SESN1: variants seen among roughly 807,000 people sequenced by gnomAD.
SESN1 encodes the protein sestrin 1.
SESN1 carries 30 observed loss-of-function variants against 59.3 expected under a neutral mutation model. The observed-to-expected ratio is 0.51, with a 90% CI of 0.38 to 0.69. SESN1 has a LOEUF of 0.69. Among genes scored for constraint, SESN1 ranks in the 30% least tolerant of loss-of-function variants. The pLI is 0.00. For missense variants in SESN1, 566 were observed against 673.0 expected, an observed-to-expected ratio of 0.84 and a Z score of 1.76; for synonymous variants, 197 against 219.9, an observed-to-expected ratio of 0.90 and a Z score of 0.92.
chr6:109,069,168 C>G (rs959866119), intron 1 of SESN1, among the ~76,000 whole-genome samples: 6 of 151,830 alleles, frequency 4.0e-5, no homozygotes, highest in African/African-American at 1.5e-4. Context: ...ACAGAGAAGG[C>G]CATCGTGGCA....
rs935344528 is a variant in SESN1, at chr6:108,990,932, T to G, written c.1234-97A>C. The G allele has an allele frequency of 1.7e-5, 19 of 1,087,880 alleles. No homozygotes were observed. The African/African-American group carries it at 3.0e-4, about 17-fold the overall frequency. The allele number at this position is 1,087,880 out of a possible 1,614,324, so 67.4% of individuals were successfully genotyped here. A position where few individuals can be genotyped will look rare whatever the true frequency, so the allele number is the denominator to read the frequency against. On this transcript the variant is annotated intron_variant, in intron 7 of 9. Transcript: ENST00000436639. ...ATGGTAAAAATCATTGTCATTTGGC[T>G]GACAATCCAACTGGCTTTTATCCCT...
At chr6:109,087,087 T>C (rs1781225245) in intron 1 of SESN1, among the ~76,000 whole-genome samples, 1 of 152,154 alleles carries the variant, frequency 6.6e-6, no homozygotes, top group Non-Finnish European at 1.5e-5. Flanking sequence ...GCCAAGATCG[T>C]GCCACTGCAC....
chr6:108,987,739 T>A, intron 9 of SESN1, 109 bp from the exon 10 acceptor site: 1 of 590,144 alleles, frequency 1.7e-6, no homozygotes, highest in Non-Finnish European at 3.0e-6. Flanking sequence ...ACACTTCCTA[T>A]GTAGTACAGC....
intron 1 of SESN1, among the ~76,000 whole-genome samples, chr6:109,053,981 C>T (rs1163068097): frequency 6.6e-6 from 1 of 151,812 alleles, no homozygotes; most frequent in African/African-American, 2.4e-5. Context: ...TAGTTTTCAT[C>T]TTTATTTTGG....
At position 108,988,699 on chromosome 6, in the gene SESN1, CATA is replaced by C. The variant is rs761258297; in HGVS notation, c.1425-15_1425-13del. On this transcript the variant is annotated splice_polypyrimidine_tract_variant and intron_variant, in intron 8 of 9. Coordinates refer to ENST00000436639, the MANE Select transcript of SESN1 (RefSeq NM_014454.3). Reference sequence around the variant, plus strand: ...CATAATCATCATATCTGTTGAAAGACATAATGAGAATTATGATATTTTCAGTGT... The same window carrying C: ...CATAATCATCATATCTGTTGAAAGACATGAGAATTATGATATTTTCAGTGT... 1.1e-5 allele frequency: 18 copies of C among 1,585,340 alleles called. No individual in the cohort carries two copies. Among genetic ancestry groups the C allele is most frequent in the South Asian group, 3.4e-5 (3 of 86,958 alleles).
chr6:109,027,405 A>T (rs1399209301), intron 1 of SESN1, among the ~76,000 whole-genome samples: 4 of 131,358 alleles, frequency 3.0e-5, no homozygotes, highest in Non-Finnish European at 6.2e-5. Context: ...TGAACCAGGG[A>T]GGTGGAGGCT....
chr6:109,047,457 T>A (rs1583286189), intron 1 of SESN1, among the ~76,000 whole-genome samples: 1 of 118,716 alleles, frequency 8.4e-6, no homozygotes, highest in Non-Finnish European at 1.8e-5. Flanking sequence ...AGCCGCCCCA[T>A]CCGGGAGGGA....
intron 8 of SESN1, among the ~76,000 whole-genome samples, chr6:108,990,318 T>C (rs140199316): frequency 7.4e-4 from 112 of 152,304 alleles, no homozygotes; most frequent in Non-Finnish European, 1.3e-3. Flanking sequence ...TATCAAGAGA[T>C]AGATTATATG....
chr6:109,014,194 A>G (rs1438670355), intron 1 of SESN1, among the ~76,000 whole-genome samples: 1 of 152,194 alleles, frequency 6.6e-6, no homozygotes, highest in Non-Finnish European at 1.5e-5. Flanking sequence ...TAGTATTCCA[A>G]GAAGTGTCAG....
At position 109,063,892 on chromosome 6, in the gene SESN1, T is replaced by TA. The variant is rs901805750; in HGVS notation, c.279+29902dup. Among the ~76,000 whole-genome samples the TA allele has an allele frequency of 8.4e-3, 1,193 of 141,190 alleles. 21 individuals carry two copies. Among genetic ancestry groups the TA allele is most frequent in the African/African-American group, 0.03 (1,133 of 38,322 alleles). The allele number at this position is 141,190 out of a possible 152,430, so 92.6% of individuals were successfully genotyped here. A position where few individuals can be genotyped will look rare whatever the true frequency, so the allele number is the denominator to read the frequency against. On this transcript the variant is annotated intron_variant, in intron 1 of 9. Transcript: ENST00000436639. ...AAAATGTCTGAAAATAGTTATCCTT[T>TA]AAAAAAAAAAGAAAAAAGCCAAAAA...
intron 1 of SESN1, among the ~76,000 whole-genome samples, chr6:109,022,665 C>T (rs1350097289): frequency 6.6e-6 from 1 of 151,900 alleles, no homozygotes; most frequent in African/African-American, 2.4e-5. Context: ...CTGTCCGCCT[C>T]GGCCTCCCAA....
At chr6:109,076,987 G>C (rs888328137) in intron 1 of SESN1, among the ~76,000 whole-genome samples, 1 of 152,190 alleles carries the variant, frequency 6.6e-6, no homozygotes, top group Non-Finnish European at 1.5e-5. Flanking sequence ...TTATGGTAGA[G>C]CCTATTGCTC....
chr6:108,991,156 C>A (rs914333491), intron 7 of SESN1, among the ~76,000 whole-genome samples: 9 of 152,202 alleles, frequency 5.9e-5, no homozygotes, highest in Non-Finnish European at 1.3e-4. Context: ...CTCAGCCCCC[C>A]AGATGTGACC....
At chr6:109,017,252 A>G (rs1432223200) in intron 1 of SESN1, among the ~76,000 whole-genome samples, 1 of 152,188 alleles carries the variant, frequency 6.6e-6, no homozygotes, top group African/African-American at 2.4e-5. Flanking sequence ...TTAGCATTCA[A>G]TCATTCATTA....
intron 1 of SESN1, among the ~76,000 whole-genome samples, chr6:109,071,537 C>T (rs1413824109): frequency 6.6e-6 from 1 of 152,022 alleles, no homozygotes; most frequent in Admixed American, 6.6e-5. Flanking sequence ...GGATCAATTT[C>T]TGTGTTAATA....
Position 109,094,046 on chromosome 6 carries a change from A to G in SESN1, c.28T>C (p.Trp10Arg), listed in dbSNP as rs1296626149. The G allele has an allele frequency of 2.5e-6, 4 of 1,613,804 alleles. No homozygotes were observed. In the South Asian group the frequency reaches 4.4e-5, roughly 18 times the overall value. Residue 10 changes from tryptophan (W) to arginine (R), a missense_variant, in exon 1 of 10, where the codon TGG becomes CGG. Trp to Arg is a moderately radical substitution (Grantham distance 101, BLOSUM62 -3). Coordinates refer to ENST00000436639, the MANE Select transcript of SESN1 (RefSeq NM_014454.3). MAEGENEVR[W>R]DGLCSRDSTT... is the part of the protein sequence containing the mutation. ...GAATCTCTGCTGCAGAGTCCATCCC[A>G]TCTCACTTCATTCTCTCCTTCAGCC...
chr6:109,074,291 T>C (rs547254549), intron 1 of SESN1, among the ~76,000 whole-genome samples: 1 of 144,642 alleles, frequency 6.9e-6, no homozygotes, highest in East Asian at 1.9e-4. Context: ...TATATATGTG[T>C]GTATATATGT....
chr6:108,996,004 T>G (rs1279652299), intron 5 of SESN1, among the ~76,000 whole-genome samples: 1 of 152,150 alleles, frequency 6.6e-6, no homozygotes, highest in Non-Finnish European at 1.5e-5. Context: ...CCTCTCCTCT[T>G]TCCTTCAGAG....
intron 1 of SESN1, among the ~76,000 whole-genome samples, chr6:109,052,221 T>C (rs1364780481): frequency 1.3e-5 from 2 of 152,256 alleles, no homozygotes; most frequent in East Asian, 3.8e-4. Flanking sequence ...CCTGGCACTT[T>C]GTAGTTGCTC....
Sources: allele counts gnomAD v4.1 joint callset (sites outside exome capture counted in the v4.1 genomes callset), GRCh38; gene constraint gnomAD v4.1.1; transcripts MANE v1.5; gene names NCBI Gene and HGNC (gene_info 2026-07-23, HGNC 2026-07-21).